The following ERC2 variants were observed in gnomAD, a reference collection of about 807,000 sequenced individuals.
ERC2 encodes the protein ELKS/RAB6-interacting/CAST family member 2.
ERC2 carries 42 observed loss-of-function variants against 114.8 expected under a neutral mutation model. That is an observed-to-expected ratio of 0.37 (90% CI 0.29 to 0.47). The LOEUF is 0.47. ERC2 is among the 20% of genes least tolerant of loss of function. The pLI, the probability that ERC2 is intolerant of heterozygous loss-of-function variation, is 0.99. For synonymous variants in ERC2, 454 were observed against 425.5 expected, an observed-to-expected ratio of 1.07 and a Z score of -0.82; for missense variants, 939 against 1,150.7, an observed-to-expected ratio of 0.82 and a Z score of 2.66.
chr3:56,037,129 C>T (rs2074860042), intron 7 of ERC2, among the ~76,000 whole-genome samples: 1 of 152,152 alleles, frequency 6.6e-6, no homozygotes, highest in African/African-American at 2.4e-5. Context: ...CTCAAAAACC[C>T]AGAGTGCCTA....
At chr3:55,540,429 A>T (rs1051184500) in intron 17 of ERC2, among the ~76,000 whole-genome samples, 15 of 152,218 alleles carry the variant, frequency 9.9e-5, no homozygotes, top group African/African-American at 3.6e-4. Context: ...AGCCAGTATT[A>T]TTTAAGGCTG....
intron 2 of ERC2, among the ~76,000 whole-genome samples, chr3:56,327,262 G>A (rs1430600553): frequency 2.6e-5 from 4 of 152,182 alleles, no homozygotes; most frequent in African/African-American, 9.7e-5. Flanking sequence ...GAGAAAGCCA[G>A]GTACCTTCTT....
chr3:55,525,379 G>A (rs2107233630), intron 17 of ERC2, among the ~76,000 whole-genome samples: 1 of 152,290 alleles, frequency 6.6e-6, no homozygotes. Context: ...GGGCACAGAT[G>A]GGTAAGAAGA....
chr3:56,235,807 C>A (rs1042177907), intron 3 of ERC2, among the ~76,000 whole-genome samples: 2 of 152,334 alleles, frequency 1.3e-5, no homozygotes, highest in African/African-American at 4.8e-5. Context: ...CTAATAGCCA[C>A]ATGTGGCTAG....
intron 2 of ERC2, among the ~76,000 whole-genome samples, chr3:56,298,747 G>A (rs568637969): frequency 1.7e-4 from 26 of 152,286 alleles, no homozygotes; most frequent in African/African-American, 6.3e-4. Context: ...GCATCTTCTA[G>A]GGTGATGAAA....
chr3:56,216,492 C>G (rs2049481275), intron 3 of ERC2, among the ~76,000 whole-genome samples: 1 of 152,176 alleles, frequency 6.6e-6, no homozygotes, highest in Non-Finnish European at 1.5e-5. Flanking sequence ...GAAATTGAAG[C>G]AATAATTAAT....
chr3:56,055,838 C>A (rs148872737), intron 7 of ERC2, among the ~76,000 whole-genome samples: 64 of 152,318 alleles, frequency 4.2e-4, no homozygotes, highest in African/African-American at 1.5e-3. Context: ...CTGAGAATTG[C>A]CACATTGTGG....
At chr3:55,534,739 A>G (rs748231185) in intron 17 of ERC2, among the ~76,000 whole-genome samples, 5 of 152,270 alleles carry the variant, frequency 3.3e-5, no homozygotes, top group Non-Finnish European at 7.4e-5. Context: ...TAATAGCTCA[A>G]TAAATAGTAG....
At chr3:55,843,604 A>G (rs1468692377) in intron 14 of ERC2, among the ~76,000 whole-genome samples, 2 of 152,176 alleles carry the variant, frequency 1.3e-5, no homozygotes, top group African/African-American at 4.8e-5. Context: ...AGCTATTTCA[A>G]TTTTCCTTTG....
chr3:55,681,518 C>T (rs779565456), intron 17 of ERC2, among the ~76,000 whole-genome samples: 6 of 152,122 alleles, frequency 3.9e-5, no homozygotes, highest in East Asian at 1.9e-4. Context: ...AAACATGCAA[C>T]GGCTGCTCAA....
intron 2 of ERC2, among the ~76,000 whole-genome samples, chr3:56,385,210 GT>G (rs2059892519): frequency 6.6e-6 from 1 of 151,926 alleles, no homozygotes; most frequent in Non-Finnish European, 1.5e-5. Flanking sequence ...CAAGATCAAG[GT>G]GCCAGCAGAT....
At chr3:56,048,683 G>A (rs1337303938) in intron 7 of ERC2, among the ~76,000 whole-genome samples, 2 of 152,146 alleles carry the variant, frequency 1.3e-5, no homozygotes, top group African/African-American at 2.4e-5. Context: ...TCAGTATTGA[G>A]CTAATATTTG....
At chr3:56,427,906 G>T (rs1196185574) in intron 2 of ERC2, among the ~76,000 whole-genome samples, 1 of 152,142 alleles carries the variant, frequency 6.6e-6, no homozygotes, top group Non-Finnish European at 1.5e-5. Flanking sequence ...CAAAACGTAT[G>T]CATTATGAAT....
intron 2 of ERC2, among the ~76,000 whole-genome samples, chr3:56,312,185 T>C (rs1297561669): frequency 6.6e-6 from 1 of 152,148 alleles, no homozygotes; most frequent in Non-Finnish European, 1.5e-5. Flanking sequence ...AATGAGTGTG[T>C]ATGTTGTTTA....
At chr3:55,833,622 A>G (rs2060723812) in intron 14 of ERC2, among the ~76,000 whole-genome samples, 1 of 152,206 alleles carries the variant, frequency 6.6e-6, no homozygotes, top group East Asian at 1.9e-4. Context: ...CTAAACATGG[A>G]AAGGAACAAC....
chr3:55,551,514 T>C (rs1265924438), intron 17 of ERC2, among the ~76,000 whole-genome samples: 3 of 151,948 alleles, frequency 2.0e-5, no homozygotes, highest in African/African-American at 7.3e-5. Flanking sequence ...CAGAGTGCGA[T>C]TCCGTCTCAA....
intron 14 of ERC2, among the ~76,000 whole-genome samples, chr3:55,809,500 C>T: frequency 6.6e-6 from 1 of 152,126 alleles, no homozygotes; most frequent in Non-Finnish European, 1.5e-5. Flanking sequence ...TATTTGCAAA[C>T]TATTCATCTG....
At chr3:55,547,902 G>C (rs73830643) in intron 17 of ERC2, among the ~76,000 whole-genome samples, 1 of 152,310 alleles carries the variant, frequency 6.6e-6, no homozygotes, top group African/African-American at 2.4e-5. Context: ...GGTAGAGCTG[G>C]GGAGACAAGC....
At chr3:56,293,387 A>G (rs2055217452) in intron 3 of ERC2, among the ~76,000 whole-genome samples, 1 of 152,208 alleles carries the variant, frequency 6.6e-6, no homozygotes. Flanking sequence ...GGGCAAGGGA[A>G]TGGGGAAGGT....
Sources: allele counts gnomAD v4.1 joint callset (sites outside exome capture counted in the v4.1 genomes callset), GRCh38; gene constraint gnomAD v4.1.1; transcripts MANE v1.5; gene names NCBI Gene and HGNC (gene_info 2026-07-23, HGNC 2026-07-21).